Variants in FSTL4 observed in about 807,000 individuals in gnomAD.
FSTL4 encodes follistatin-related protein 4.
FSTL4 carries 28 observed loss-of-function variants against 78.2 expected under a neutral mutation model. The ratio of observed to expected loss-of-function variants is 0.36; its 90% CI spans 0.27 to 0.49. The LOEUF (loss-of-function observed/expected upper bound fraction) is 0.49, where lower values mean the gene tolerates loss of function less well. Among genes scored for constraint, FSTL4 ranks in the 20% least tolerant of loss-of-function variants. The probability of loss-of-function intolerance (pLI) is 0.98; values close to 1 mark genes in which losing one functional copy is unlikely to be tolerated. For missense variants in FSTL4, 922 were observed against 1,084.9 expected, an observed-to-expected ratio of 0.85 and a Z score of 2.11; for synonymous variants, 422 against 440.5, an observed-to-expected ratio of 0.96 and a Z score of 0.53.
intron 4 of FSTL4, among the ~76,000 whole-genome samples, chr5:133,322,301 A>C (rs4358576): frequency 0.28 from 15,710 of 55,424 alleles, 1,218 homozygotes; most frequent in African/African-American, 0.4. Context: ...ACCCCCACAC[A>C]CACCCACACC....
intron 3 of FSTL4, among the ~76,000 whole-genome samples, chr5:133,528,518 C>T (rs985265682): frequency 9.9e-5 from 15 of 152,216 alleles, no homozygotes; most frequent in Non-Finnish European, 2.1e-4. Flanking sequence ...AGCTCTCATG[C>T]TACATGTCAC....
At chr5:133,764,798 TC>T in the FSTL4 span, among the ~76,000 whole-genome samples, 1 of 152,234 alleles carries the variant, frequency 6.6e-6, no homozygotes, top group East Asian at 1.9e-4. Context: ...ATCCGAATCT[TC>T]AGATCTTGAC....
chr5:133,263,838 C>CT (rs913173218), intron 6 of FSTL4, among the ~76,000 whole-genome samples: 4 of 152,078 alleles, frequency 2.6e-5, no homozygotes, highest in African/African-American at 9.7e-5. Context: ...AGAAAAGTCT[C>CT]TGAGTGGGTG....
chr5:133,490,059 G>A (rs1392913829), intron 3 of FSTL4, among the ~76,000 whole-genome samples: 1 of 151,830 alleles, frequency 6.6e-6, no homozygotes, highest in Non-Finnish European at 1.5e-5. Flanking sequence ...TCAGTTTCTT[G>A]CCTTTATAAA....
intron 6 of FSTL4, among the ~76,000 whole-genome samples, chr5:133,254,312 A>T (rs962466218): frequency 6.6e-6 from 1 of 152,200 alleles, no homozygotes; most frequent in African/African-American, 2.4e-5. Context: ...AAGGGAACAA[A>T]TCTTGCCTGA....
chr5:133,558,073 G>A (rs1354401622), intron 3 of FSTL4, among the ~76,000 whole-genome samples: 1 of 152,158 alleles, frequency 6.6e-6, no homozygotes, highest in Admixed American at 6.5e-5. Flanking sequence ...CCATGGTGCA[G>A]GTACACCAGG....
intron 3 of FSTL4, among the ~76,000 whole-genome samples, chr5:133,460,690 G>A (rs1757574685): frequency 6.6e-6 from 1 of 152,196 alleles, no homozygotes; most frequent in African/African-American, 2.4e-5. Flanking sequence ...AGTATTCACT[G>A]GGTCAGGGCA....
chr5:133,831,637 C>T, the FSTL4 span, among the ~76,000 whole-genome samples: 9 of 152,336 alleles, frequency 5.9e-5, no homozygotes, highest in East Asian at 1.2e-3. Flanking sequence ...CCCTTATATC[C>T]TCTGATTACT....
chr5:133,428,815 C>A (rs6875771), intron 3 of FSTL4, among the ~76,000 whole-genome samples: 21,645 of 152,184 alleles, frequency 0.14, 4,433 homozygotes, highest in African/African-American at 0.45. Flanking sequence ...CAATGCCAGC[C>A]CAGGGCTGGC....
chr5:133,727,503 T>C, the FSTL4 span, among the ~76,000 whole-genome samples: 1 of 152,290 alleles, frequency 6.6e-6, no homozygotes, highest in East Asian at 1.9e-4. Context: ...GGCTGTGGTG[T>C]GAGGCTAACT....
chr5:133,524,696 T>C (rs1051564563), intron 3 of FSTL4, among the ~76,000 whole-genome samples: 1 of 151,986 alleles, frequency 6.6e-6, no homozygotes, highest in African/African-American at 2.4e-5. Flanking sequence ...CCTGGGTGGG[T>C]TGTACAATAC....
chr5:133,431,199 A>G (rs1416400171), intron 3 of FSTL4, among the ~76,000 whole-genome samples: 1 of 152,172 alleles, frequency 6.6e-6, no homozygotes, highest in Non-Finnish European at 1.5e-5. Flanking sequence ...TACCTCTCAC[A>G]TCACTCCAGG....
chr5:133,234,020 C>G (rs919142418), intron 7 of FSTL4, among the ~76,000 whole-genome samples: 6 of 152,136 alleles, frequency 3.9e-5, no homozygotes, highest in Admixed American at 1.3e-4. Context: ...GCCAAATACC[C>G]AACTCCGCCA....
chr5:133,792,228 C>A, the FSTL4 span, among the ~76,000 whole-genome samples: 4 of 152,106 alleles, frequency 2.6e-5, no homozygotes, highest in Non-Finnish European at 5.9e-5. Flanking sequence ...TGCCCTCAGG[C>A]CCCACCCCAG....
intron 4 of FSTL4, chr5:133,388,568 G>C (rs890811584): frequency 6.7e-6 from 1 of 148,630 alleles, no homozygotes; most frequent in Non-Finnish European, 1.5e-5. Flanking sequence ...AGAGCCCCCA[G>C]TGCAACACCA....
intron 6 of FSTL4, among the ~76,000 whole-genome samples, chr5:133,266,030 A>T (rs1752633100): frequency 1.3e-5 from 2 of 152,362 alleles, no homozygotes; most frequent in South Asian, 4.1e-4. Flanking sequence ...ACCCAGGCCC[A>T]CATAGAGTGG....
chr5:133,313,254 C>T (rs1753831211), intron 5 of FSTL4, among the ~76,000 whole-genome samples: 1 of 152,218 alleles, frequency 6.6e-6, no homozygotes, highest in Non-Finnish European at 1.5e-5. Context: ...CCCATCAGCC[C>T]TTACCCATGG....
the FSTL4 span, among the ~76,000 whole-genome samples, chr5:133,708,434 C>T: frequency 6.6e-6 from 1 of 152,174 alleles, no homozygotes; most frequent in South Asian, 2.1e-4. Context: ...CTGACCTTCA[C>T]TATGTGACCT....
chr5:133,610,069 T>C (rs1288894021), intron 1 of FSTL4, among the ~76,000 whole-genome samples: 4 of 152,182 alleles, frequency 2.6e-5, no homozygotes, highest in Admixed American at 1.3e-4. Flanking sequence ...TCTCTGAATA[T>C]AGTGTTAAGT....
Sources: gnomAD v4.1 joint callset for allele counts (sites outside exome capture counted in the v4.1 genomes callset) on GRCh38, gnomAD v4.1.1 for gene constraint, MANE v1.5 for transcripts, NCBI Gene and HGNC (gene_info 2026-07-23, HGNC 2026-07-21) for gene names.